STK32B: variants seen among roughly 807,000 people sequenced by gnomAD.
The protein encoded by STK32B is serine/threonine kinase 32B, also known as serine/threonine-protein kinase 32B.
Under a neutral mutation model 52.6 loss-of-function variants are expected in STK32B, and 43 were observed. That is an observed-to-expected ratio of 0.82 (90% CI 0.64 to 1.05). STK32B has a LOEUF of 1.05. Ranked by LOEUF, STK32B falls within the 50% of genes least tolerant of loss-of-function variation. The probability of loss-of-function intolerance (pLI) is 0.00; values close to 1 mark genes in which losing one functional copy is unlikely to be tolerated. For missense variants in STK32B, 621 were observed against 534.6 expected, an observed-to-expected ratio of 1.16 and a Z score of -1.59; for synonymous variants, 238 against 204.3, an observed-to-expected ratio of 1.17 and a Z score of -1.41.
intron 5 of STK32B, among the ~76,000 whole-genome samples, chr4:5,406,818 A>G (rs999240692): frequency 3.3e-5 from 5 of 152,094 alleles, no homozygotes; most frequent in African/African-American, 1.2e-4. Flanking sequence ...CTATGATGGG[A>G]GGGACTGCTG....
chr4:5,256,307 AATTTTATCAT>A (rs1726292744), intron 3 of STK32B, among the ~76,000 whole-genome samples: 1 of 152,190 alleles, frequency 6.6e-6, no homozygotes, highest in Non-Finnish European at 1.5e-5. Flanking sequence ...CTTCACAGAA[AATTTTATCAT>A]AGACTAAAAA....
At chr4:5,339,666 C>G (rs1209481940) in intron 4 of STK32B, among the ~76,000 whole-genome samples, 2 of 152,130 alleles carry the variant, frequency 1.3e-5, no homozygotes, top group African/African-American at 2.4e-5. Flanking sequence ...CCCACAAATG[C>G]AAGCCTGGGT....
intron 3 of STK32B, 39 bp from the exon 4 acceptor site, chr4:5,331,180 GC>G: frequency 1.9e-6 from 3 of 1,563,236 alleles, no homozygotes; most frequent in Non-Finnish European, 2.6e-6. Flanking sequence ...TGCTGAAGGT[GC>G]CTCCACCCCT....
At chr4:5,167,628 A>T (rs544433199) in intron 2 of STK32B, among the ~76,000 whole-genome samples, 2 of 152,348 alleles carry the variant, frequency 1.3e-5, no homozygotes, top group East Asian at 3.9e-4. Flanking sequence ...CTGTGGGGCT[A>T]GGCAAACTTA....
At chr4:5,072,701 T>C (rs1711853773) in intron 1 of STK32B, among the ~76,000 whole-genome samples, 1 of 152,204 alleles carries the variant, frequency 6.6e-6, no homozygotes, top group South Asian at 2.1e-4. Flanking sequence ...GAAAGGAATA[T>C]ATATCCTTCT....
At chr4:5,439,549 A>C (rs1262093362) in intron 6 of STK32B, among the ~76,000 whole-genome samples, 3 of 151,182 alleles carry the variant, frequency 2.0e-5, no homozygotes, top group Admixed American at 1.3e-4. Context: ...CCCATTTTGT[A>C]GGTTGCCTGT....
At chr4:5,306,961 G>C (rs1410497940) in intron 3 of STK32B, among the ~76,000 whole-genome samples, 1 of 152,118 alleles carries the variant, frequency 6.6e-6, no homozygotes, top group Non-Finnish European at 1.5e-5. Flanking sequence ...GCTAAAGATA[G>C]GACCCCAATC....
At chr4:5,241,190 T>C (rs1724998737) in intron 3 of STK32B, among the ~76,000 whole-genome samples, 1 of 152,214 alleles carries the variant, frequency 6.6e-6, no homozygotes, top group African/African-American at 2.4e-5. Flanking sequence ...TGTACTATTT[T>C]TGTCTGCACT....
intron 7 of STK32B, among the ~76,000 whole-genome samples, chr4:5,449,125 T>C (rs968332410): frequency 6.6e-6 from 1 of 152,164 alleles, no homozygotes. Flanking sequence ...GCGGATCACC[T>C]GAGGTCGGAG....
intron 2 of STK32B, among the ~76,000 whole-genome samples, chr4:5,142,061 G>C (rs553594667): frequency 6.6e-6 from 1 of 152,164 alleles, no homozygotes; most frequent in African/African-American, 2.4e-5. Context: ...GCTGGGAGAC[G>C]AGCTCTTCCG....
At chr4:5,116,909 T>G (rs889716409) in intron 1 of STK32B, among the ~76,000 whole-genome samples, 10 of 152,226 alleles carry the variant, frequency 6.6e-5, no homozygotes, top group African/African-American at 2.2e-4. Context: ...GATGCTATTG[T>G]AAATAGTATG....
intron 1 of STK32B, among the ~76,000 whole-genome samples, chr4:5,089,454 CT>C (rs1281954504): frequency 6.6e-6 from 1 of 152,096 alleles, no homozygotes; most frequent in Non-Finnish European, 1.5e-5. Flanking sequence ...TTCTGTTCTT[CT>C]GTTAGTTTGC....
chr4:5,262,527 C>T (rs1165550803), intron 3 of STK32B, among the ~76,000 whole-genome samples: 5 of 150,750 alleles, frequency 3.3e-5, no homozygotes, highest in South Asian at 2.1e-4. Flanking sequence ...CGGGAGGCTG[C>T]GGCAGGAGAA....
rs553025063 is a variant in STK32B, at chr4:5,383,720, G to A, written c.435-14487G>A. Among the ~76,000 whole-genome samples the A allele has an allele frequency of 2.0e-5, 3 of 152,304 alleles. No individual in the cohort carries two copies. In the South Asian group the frequency reaches 6.2e-4, roughly 32 times the overall value. On this transcript the variant is annotated intron_variant, in intron 4 of 11. Coordinates refer to ENST00000282908, the MANE Select transcript of STK32B (RefSeq NM_018401.3). ...GACTCACCCTGAAAAGACAGGTGAT[G>A]AGGCATCAGCAGGGGCAGGGCCATC...
At chr4:5,322,584 GGAA>G (rs1045578512) in intron 3 of STK32B, among the ~76,000 whole-genome samples, 1 of 152,212 alleles carries the variant, frequency 6.6e-6, no homozygotes, top group African/African-American at 2.4e-5. Context: ...TTTTGCCTCA[GGAA>G]GAAGAAGTGG....
chr4:5,323,097 A>G (rs1278783103), intron 3 of STK32B, among the ~76,000 whole-genome samples: 1 of 152,180 alleles, frequency 6.6e-6, no homozygotes, highest in Non-Finnish European at 1.5e-5. Context: ...GGGTCTGTGA[A>G]GAGCACCTCT....
intron 3 of STK32B, among the ~76,000 whole-genome samples, chr4:5,231,677 A>G (rs920161445): frequency 4.1e-4 from 62 of 152,148 alleles, no homozygotes; most frequent in Admixed American, 4.0e-3. Flanking sequence ...GTAGTTCTCA[A>G]TGGGATAGAT....
chr4:5,020,889 G>A, the STK32B span, among the ~76,000 whole-genome samples: 122,840 of 151,826 alleles, frequency 0.81, 50,246 homozygotes, highest in East Asian at 1. Context: ...TGAGGGCCTC[G>A]GGGGATGTGA....
At chr4:5,161,493 G>A (rs529280064) in intron 2 of STK32B, among the ~76,000 whole-genome samples, 1 of 152,198 alleles carries the variant, frequency 6.6e-6, no homozygotes, top group Non-Finnish European at 1.5e-5. Flanking sequence ...CGTGTTCAAG[G>A]TAGGAAGGAC....
Sources: gnomAD v4.1 joint callset for allele counts (sites outside exome capture counted in the v4.1 genomes callset) on GRCh38, gnomAD v4.1.1 for gene constraint, MANE v1.5 for transcripts, NCBI Gene and HGNC (gene_info 2026-07-23, HGNC 2026-07-21) for gene names.